The following LRRC69 variants were observed in gnomAD, a reference collection of about 807,000 sequenced individuals.
The protein encoded by LRRC69 is leucine-rich repeat-containing protein 69.
LRRC69 carries 42 observed loss-of-function variants against 37.8 expected under a neutral mutation model. The ratio of observed to expected loss-of-function variants is 1.11; its 90% confidence interval spans 0.87 to 1.44. The LOEUF is 1.44. Among genes scored for constraint, LRRC69 ranks in the 40% most tolerant of loss-of-function variants. The pLI is 0.00. For missense variants in LRRC69, 357 were observed against 401.9 expected (o/e 0.89, Z 0.96); for synonymous variants, 141 against 143.1 (o/e 0.99, Z 0.11).
chr8:91,199,061 C>T (rs185240112), intron 6 of LRRC69, among the ~76,000 whole-genome samples: 4 of 152,230 alleles, frequency 2.6e-5, no homozygotes, highest in Admixed American at 6.5e-5. Context: ...ATTTTTAGGT[C>T]CCTGGTATTT....
In LRRC69 at chr8:91,140,632, A is replaced by G. The variant is rs541390800; in HGVS notation, c.651+4893A>G. On this transcript the variant is annotated intron_variant, in intron 5 of 7. Coordinates refer to ENST00000448384, the Ensembl canonical transcript of LRRC69. Reference sequence around the variant, plus strand: ...ACTTTCCTTAAATGAATATTCTTCAATATGTGATTTTTTTTTTTTTTTTTT... The same window carrying G: ...ACTTTCCTTAAATGAATATTCTTCAGTATGTGATTTTTTTTTTTTTTTTTT... Among the ~76,000 whole-genome samples the G allele has an allele frequency of 3.1e-4, 36 of 114,696 alleles. 6 individuals are homozygous for G. Among genetic ancestry groups the G allele is most frequent in the African/African-American group, 1.3e-3 (36 of 28,162 alleles). The allele number at this position is 114,696 out of a possible 152,430, so 75.2% of individuals were successfully genotyped here.
chr8:91,166,492 GAAAAAA>G (rs66705016), intron 5 of LRRC69, among the ~76,000 whole-genome samples: 991 of 95,182 alleles, frequency 0.01, 4 homozygotes, highest in Non-Finnish European at 0.013. Context: ...AAAATAAACT[GAAAAAA>G]AAAAAAAAAA....
intron 5 of LRRC69, among the ~76,000 whole-genome samples, chr8:91,162,891 T>C (rs2130567908): frequency 6.6e-6 from 1 of 151,486 alleles, no homozygotes; most frequent in East Asian, 1.9e-4. Context: ...TTTTTTCAGC[T>C]TTGTCTACAT....
intron 7 of LRRC69, among the ~76,000 whole-genome samples, chr8:91,216,820 G>A (rs28539046): frequency 0.051 from 7,819 of 152,042 alleles, 239 homozygotes; most frequent in African/African-American, 0.079. Context: ...CTGGACTAAT[G>A]TATTGTTGAT....
At chr8:91,108,412 G>A (rs144828970) in intron 1 of LRRC69, among the ~76,000 whole-genome samples, 1 of 152,098 alleles carries the variant, frequency 6.6e-6, no homozygotes, top group Non-Finnish European at 1.5e-5. Flanking sequence ...GTTTAGTGGG[G>A]AAAGTTAATG....
intron 6 of LRRC69, among the ~76,000 whole-genome samples, chr8:91,195,865 G>A (rs1379606029): frequency 3.3e-5 from 5 of 151,910 alleles, no homozygotes; most frequent in African/African-American, 4.8e-5. Context: ...ATATTGTTAT[G>A]TGTGAATTTG....
At chr8:91,119,341 G>T (rs1813574898) in intron 1 of LRRC69, among the ~76,000 whole-genome samples, 1 of 152,036 alleles carries the variant, frequency 6.6e-6, no homozygotes, top group African/African-American at 2.4e-5. Flanking sequence ...AGACATTTAT[G>T]AATTTAAAGG....
chr8:91,127,029 A>G, intron 2 of LRRC69, 59 bp from the exon 3 acceptor site: 1 of 1,343,584 alleles, frequency 7.4e-7, no homozygotes, highest in Non-Finnish European at 1.0e-6. Context: ...AGAAAAGTAG[A>G]AAAGTGACTA....
At chr8:91,136,508 A>G (rs977211089) in intron 5 of LRRC69, among the ~76,000 whole-genome samples, 2 of 152,058 alleles carry the variant, frequency 1.3e-5, no homozygotes, top group Admixed American at 6.6e-5. Context: ...GGCAAAATAT[A>G]CACAACATAA....
At chr8:91,147,287 A>G (rs979261338) in intron 5 of LRRC69, among the ~76,000 whole-genome samples, 1 of 131,450 alleles carries the variant, frequency 7.6e-6, no homozygotes, top group African/African-American at 2.6e-5. Context: ...ATATATAAAC[A>G]TATTATATAT....
chr8:91,160,203 C>T (rs79633244), intron 5 of LRRC69, among the ~76,000 whole-genome samples: 7,721 of 150,550 alleles, frequency 0.051, 279 homozygotes, highest in Middle Eastern at 0.16. Flanking sequence ...TTTATAGAAT[C>T]ACTACTGATT....
Position 91,174,861 on chromosome 8 carries a change from G to T in LRRC69, c.652-14661G>T, listed in dbSNP as rs928681615. ...AGGTATACGGCTCTCCTATCCAGTG[G>T]AGAGGTGCTAACTGTATAACTGGCT... On this transcript the variant is annotated intron_variant, in intron 5 of 7. Transcript: ENST00000448384. Among the ~76,000 whole-genome samples, 3 of 149,046 alleles carry T rather than the reference G, an allele frequency of 2.0e-5. No individual in the cohort carries two copies. The Admixed American group carries it at 2.0e-4, about 10-fold the overall frequency.
chr8:91,186,572 A>G (rs189422805), intron 5 of LRRC69, among the ~76,000 whole-genome samples: 2 of 152,340 alleles, frequency 1.3e-5, no homozygotes, highest in Admixed American at 6.5e-5. Context: ...AGGAGAGCCA[A>G]GTATGACATA....
chr8:91,142,021 GA>G lies in LRRC69; in HGVS notation c.651+6290del, dbSNP rs202064253. 6.2e-3 allele frequency among the ~76,000 whole-genome samples: 942 copies of G among 151,700 alleles called. 15 individuals are homozygous for G. Among genetic ancestry groups the G allele is most frequent in the Non-Finnish European group, 8.5e-3 (579 of 67,890 alleles). On this transcript the variant is annotated intron_variant, in intron 5 of 7. Transcript: ENST00000448384. ...TAGTTGTGATTCAGTCTTTTCAACA[GA>G]AAAAAAAGTAAATTATTGAAATTTT... is the stretch of plus-strand genomic sequence containing the variant.
chr8:91,110,212 G>T (rs1025152111), intron 1 of LRRC69, among the ~76,000 whole-genome samples: 2 of 152,030 alleles, frequency 1.3e-5, no homozygotes, highest in African/African-American at 4.8e-5. Flanking sequence ...AAGTTAAGTA[G>T]TTCAAACATA....
chr8:91,177,912 G>A (rs544315930), intron 5 of LRRC69, among the ~76,000 whole-genome samples: 85 of 141,986 alleles, frequency 6.0e-4, no homozygotes, highest in Non-Finnish European at 1.0e-3. Context: ...ACAGTGGCAT[G>A]ATCTCGGCTC....
At chr8:91,216,088 T>C (rs1372473187) in intron 7 of LRRC69, among the ~76,000 whole-genome samples, 1 of 152,164 alleles carries the variant, frequency 6.6e-6, no homozygotes, top group South Asian at 2.1e-4. Context: ...CTGAAAAATA[T>C]TGTATAAGAA....
chr8:91,194,831 G>C lies in LRRC69; in HGVS notation c.753+5208G>C, dbSNP rs568259883. On this transcript the variant is annotated intron_variant, in intron 6 of 7. Coordinates refer to ENST00000448384, the Ensembl canonical transcript of LRRC69. ...ATTAATTTTTTGAAGGGTTTTTTGT[G>C]TCTGTATTTCCTTCAGTTCTGCTCT... Among the ~76,000 whole-genome samples, 143 of 152,028 alleles carry C rather than the reference G, an allele frequency of 9.4e-4. 1 individual carries two copies. The highest frequency in any genetic ancestry group is 3.3e-3 in the African/African-American group (136 of 41,452).
chr8:91,196,517 C>T (rs1196781081), intron 6 of LRRC69, among the ~76,000 whole-genome samples: 2 of 152,090 alleles, frequency 1.3e-5, no homozygotes, highest in Admixed American at 1.3e-4. Flanking sequence ...CACATAGTCC[C>T]ATATTTCTTG....
Sources: gnomAD v4.1 joint callset for allele counts (sites outside exome capture counted in the v4.1 genomes callset) on GRCh38, gnomAD v4.1.1 for gene constraint, MANE v1.5 for transcripts, NCBI Gene and HGNC (gene_info 2026-07-23, HGNC 2026-07-21) for gene names.